The following ATP13A3 variants were observed in gnomAD, a reference collection of about 807,000 sequenced individuals.
ATP13A3 encodes the protein polyamine-transporting ATPase 13A3.
ATP13A3 carries 59 observed loss-of-function variants against 158.1 expected under a neutral mutation model. That is an observed-to-expected ratio of 0.37 (90% CI 0.30 to 0.46). The LOEUF (loss-of-function observed/expected upper bound fraction) is 0.46. ATP13A3 is among the 20% of genes least tolerant of loss of function. The pLI, the probability that ATP13A3 is intolerant of heterozygous loss-of-function variation, is 1.00. For synonymous variants in ATP13A3, 491 were observed against 504.3 expected (o/e 0.97, Z 0.35); for missense variants, 1,166 against 1,525.2 (o/e 0.76, Z 3.92).
At chr3:194,455,508 A>C (rs1298987901) in intron 8 of ATP13A3, among the ~76,000 whole-genome samples, 4 of 152,172 alleles carry the variant, frequency 2.6e-5, no homozygotes, top group Non-Finnish European at 2.9e-5. Flanking sequence ...CCAATTCCTA[A>C]TCACTACACT....
rs769997952 is a variant in ATP13A3 at position 194,425,462 on chromosome 3, C to G, written c.3193G>C (p.Glu1065Gln). ...TTTTCATAATTTTGTATATTATGTTCATCAAGTTCGGTTTCATTGTCTACG... is the reference window on the plus strand; with the variant it reads ...TTTTCATAATTTTGTATATTATGTTGATCAAGTTCGGTTTCATTGTCTACG... ...SHVDNETELDEHNIQNYENTT... is the reference protein window; with the variant it reads ...SHVDNETELDQHNIQNYENTT... The change falls in exon 30 of 34, where the codon GAA (glutamate) becomes CAA (glutamine). Residue 1065 changes from glutamate (E) to glutamine (Q), a missense_variant. By Grantham distance (29) the Glu-to-Gln change is conservative (BLOSUM62 2). This residue lies in a region of ATP13A3 where 997 missense variants were observed against 1,341.2 expected (regional missense o/e 0.74). Transcript: ENST00000645319. 5 of 1,613,502 alleles carry G rather than the reference C, an allele frequency of 3.1e-6. No homozygotes were observed. The East Asian group carries it at 8.9e-5, about 29-fold the overall frequency.
intron 31 of ATP13A3, among the ~76,000 whole-genome samples, chr3:194,417,471 C>G (rs1715946966): frequency 6.6e-6 from 1 of 150,482 alleles, no homozygotes; most frequent in Non-Finnish European, 1.5e-5. Flanking sequence ...AAAGCTCAAG[C>G]ACAGCCAAAA....
intron 2 of ATP13A3, among the ~76,000 whole-genome samples, chr3:194,485,284 T>C (rs1263272263): frequency 6.6e-6 from 1 of 152,184 alleles, no homozygotes; most frequent in African/African-American, 2.4e-5. Flanking sequence ...CAAGCACTGA[T>C]TTGCCTTAAA....
rs1411176036 is a variant in ATP13A3, at chr3:194,485,789, C to G, written c.-47+5G>C. 1 of 152,234 alleles carries G rather than the reference C, an allele frequency of 6.6e-6. No individual in the cohort carries two copies. The highest frequency in any genetic ancestry group is 1.5e-5 in the Non-Finnish European group (1 of 68,066). The allele number at this position is 152,234 out of a possible 1,614,324, so 9.4% of individuals were successfully genotyped here. Reference sequence around the variant, plus strand: ...AAAGCGGCTAATTATGTGAGTGATTCATACCTCCTATGTCCAAACACCAAG... The same window carrying G: ...AAAGCGGCTAATTATGTGAGTGATTGATACCTCCTATGTCCAAACACCAAG... On this transcript the variant is annotated splice_donor_5th_base_variant and intron_variant, in intron 2 of 33. Transcript: ENST00000645319.
intron 21 of ATP13A3, among the ~76,000 whole-genome samples, chr3:194,432,870 G>C (rs1232725568): frequency 1.3e-5 from 2 of 151,760 alleles, no homozygotes; most frequent in African/African-American, 2.4e-5. Context: ...TAATGAGTAA[G>C]AGTTATCTAA....
intron 33 of ATP13A3, among the ~76,000 whole-genome samples, chr3:194,406,429 A>G (rs1404540931): frequency 6.6e-6 from 1 of 152,144 alleles, no homozygotes; most frequent in Non-Finnish European, 1.5e-5. Context: ...GCAGCTTTCA[A>G]TTATTTAGGA....
chr3:194,477,714 ACT>A (rs1424081397), intron 2 of ATP13A3, among the ~76,000 whole-genome samples: 2 of 152,238 alleles, frequency 1.3e-5, no homozygotes, highest in East Asian at 1.9e-4. Context: ...GGGAGTGGAC[ACT>A]CTATCGCACA....
At chr3:194,471,339 A>AG (rs1178756734) in intron 2 of ATP13A3, among the ~76,000 whole-genome samples, 1 of 151,018 alleles carries the variant, frequency 6.6e-6, no homozygotes, top group African/African-American at 2.4e-5. Context: ...AAAAAAAAAA[A>AG]AAAAAAAAGA....
At chr3:194,464,466 C>T (rs1341566721) in intron 2 of ATP13A3, among the ~76,000 whole-genome samples, 2 of 152,298 alleles carry the variant, frequency 1.3e-5, no homozygotes, top group Admixed American at 6.5e-5. Flanking sequence ...TAATAATGTT[C>T]CATAAAATCA....
rs1252175661 is a variant in ATP13A3, at chr3:194,405,626, C to G, written c.*293G>C. The G allele has an allele frequency of 3.3e-6, 1 of 299,866 alleles. No individual in the cohort carries two copies. The highest frequency in any genetic ancestry group is 6.3e-6 in the Non-Finnish European group (1 of 158,912). The allele number at this position is 299,866 out of a possible 1,614,324, so 18.6% of individuals were successfully genotyped here. On this transcript the variant is annotated 3_prime_UTR_variant, in exon 34 of 34. Transcript: ENST00000645319. ...ACCAAACACCAAACTTCTCCTGTACCCAATATAAAGAATATCACTGAAAGT... is the reference window on the plus strand; with the variant it reads ...ACCAAACACCAAACTTCTCCTGTACGCAATATAAAGAATATCACTGAAAGT...
At chr3:194,468,918 G>A (rs1054537998) in intron 2 of ATP13A3, among the ~76,000 whole-genome samples, 1 of 152,180 alleles carries the variant, frequency 6.6e-6, no homozygotes, top group Non-Finnish European at 1.5e-5. Flanking sequence ...TGGAATGCCT[G>A]AGGTCAGGAG....
intron 10 of ATP13A3, chr3:194,452,745 CTAAT>C (rs1187542087): frequency 5.3e-5 from 8 of 152,156 alleles, no homozygotes; most frequent in Admixed American, 5.2e-4. Context: ...TCTTATTTGG[CTAAT>C]TCAAATAGTC....
At chr3:194,492,097 C>T (rs1391653427) in intron 2 of ATP13A3, among the ~76,000 whole-genome samples, 2 of 152,104 alleles carry the variant, frequency 1.3e-5, no homozygotes, top group Non-Finnish European at 2.9e-5. Flanking sequence ...AAGTCCAGTG[C>T]AGGATGTAAC....
At chr3:194,435,006 A>G (rs141428310) in intron 20 of ATP13A3, among the ~76,000 whole-genome samples, 1 of 152,322 alleles carries the variant, frequency 6.6e-6, no homozygotes, top group East Asian at 1.9e-4. Context: ...CTCAATGGGG[A>G]AGGAGGAGGG....
upstream of ATP13A3, among the ~76,000 whole-genome samples, chr3:194,491,863 C>G (rs1362846133): frequency 6.7e-6 from 1 of 150,300 alleles, no homozygotes; most frequent in East Asian, 2.0e-4. Flanking sequence ...TCTCACCTGG[C>G]ATGCCTCCTC....
At chr3:194,416,499 T>G (rs1279929733) in intron 31 of ATP13A3, among the ~76,000 whole-genome samples, 1 of 152,098 alleles carries the variant, frequency 6.6e-6, no homozygotes, top group South Asian at 2.1e-4. Context: ...CCACTTATGT[T>G]AACAACACTG....
chr3:194,484,882 CCTGTCT>C lies in ATP13A3; in HGVS notation c.-47+906_-47+911del, dbSNP rs559597143. Among the ~76,000 whole-genome samples the C allele has an allele frequency of 4.6e-5, 7 of 152,076 alleles. No individual in the cohort carries two copies. In the East Asian group the frequency reaches 1.4e-3, roughly 29 times the overall value. On this transcript the variant is annotated intron_variant, in intron 2 of 33. Transcript: ENST00000645319. ...ACCAGCCTGGCCAACGTGGTGAAAC[CCTGTCT>C]CTACTAAAAATACAAAAAATTAGCT...
chr3:194,404,378 AGAGT>A lies in ATP13A3; in HGVS notation c.*1537_*1540del, dbSNP rs1036815439. On this transcript the variant is annotated 3_prime_UTR_variant, in exon 34 of 34. Transcript: ENST00000645319. ...CATCATCCAGGTCTTTGCAGCATAA[AGAGT>A]GAGAACCATTTGGTCCTAAAATTCT... 9.3e-6 allele frequency: 2 copies of A among 214,412 alleles called. No homozygotes were observed. Among genetic ancestry groups the A allele is most frequent in the Non-Finnish European group, 1.9e-5 (2 of 106,310 alleles). The allele number at this position is 214,412 out of a possible 1,614,324, so 13.3% of individuals were successfully genotyped here.
Position 194,459,935 on chromosome 3 carries a change from C to G in ATP13A3, c.262G>C (p.Val88Leu), listed in dbSNP as rs189104648. 1 of 1,612,706 alleles carries G rather than the reference C, an allele frequency of 6.2e-7. No individual in the cohort carries two copies. ...FKMWFCAKIR[V>L]LSLETYPVSS... ...ACTGGGTAAGTTTCCAAAGAAAGAA[C>G]GCGAATTTTTGCACAAAACCACATT... The change falls in exon 5 of 34, where the codon GTT (valine) becomes CTT (leucine). Residue 88 changes from valine to leucine, a missense_variant. Val to Leu is a conservative substitution (Grantham distance 32). Around this residue, in one of 3 missense-constraint regions of ATP13A3, gnomAD observed 104 missense variants for 91.7 expected, o/e 1.13. Coordinates refer to ENST00000645319, the MANE Select transcript of ATP13A3 (RefSeq NM_001367549.1).
Sources: gnomAD v4.1 joint callset for allele counts (sites outside exome capture counted in the v4.1 genomes callset) on GRCh38, gnomAD v4.1.1 for gene constraint, gnomAD v4.1.1 regional missense constraint, MANE v1.5 for transcripts, NCBI Gene and HGNC (gene_info 2026-07-23, HGNC 2026-07-21) for gene names.